Variants in PPP3R1 observed in about 807,000 individuals in gnomAD.
PPP3R1 encodes the protein protein phosphatase 3 regulatory subunit B, alpha.
A neutral mutation model predicts 22.6 loss-of-function variants in PPP3R1; 5 were observed. The observed-to-expected ratio is 0.22, with a 90% CI of 0.12 to 0.46. The LOEUF is 0.46. Among genes scored for constraint, PPP3R1 ranks in the 20% least tolerant of loss-of-function variants. PPP3R1 has a pLI of 0.99. For synonymous variants in PPP3R1, 56 were observed against 65.2 expected, an observed-to-expected ratio of 0.86 and a Z score of 0.68; for missense variants, 61 against 203.2, an observed-to-expected ratio of 0.30 and a Z score of 4.25.
intron 1 of PPP3R1, among the ~76,000 whole-genome samples, chr2:68,246,033 C>G (rs1262344054): frequency 1.3e-5 from 2 of 149,730 alleles, no homozygotes; most frequent in African/African-American, 2.5e-5. Flanking sequence ...TAATCTCTCC[C>G]TTTTTACCCT....
intron 1 of PPP3R1, among the ~76,000 whole-genome samples, chr2:68,243,170 G>T (rs1194195159): frequency 6.6e-6 from 1 of 152,090 alleles, no homozygotes; most frequent in Non-Finnish European, 1.5e-5. Context: ...TCTATGAATT[G>T]TTTAAATTAT....
intron 2 of PPP3R1, among the ~76,000 whole-genome samples, chr2:68,190,425 A>C (rs1313656554): frequency 6.6e-6 from 1 of 151,908 alleles, no homozygotes; most frequent in Non-Finnish European, 1.5e-5. Flanking sequence ...ATTAGCCGGG[A>C]GTGATGGCAG....
At chr2:68,234,558 C>T (rs1391031909) in intron 1 of PPP3R1, among the ~76,000 whole-genome samples, 3 of 152,154 alleles carry the variant, frequency 2.0e-5, no homozygotes, top group African/African-American at 7.2e-5. Flanking sequence ...CTTGTTACTG[C>T]CAACTCACAC....
At chr2:68,210,725 A>G (rs1419032776) in intron 2 of PPP3R1, among the ~76,000 whole-genome samples, 1 of 152,320 alleles carries the variant, frequency 6.6e-6, no homozygotes, top group African/African-American at 2.4e-5. Context: ...TTTTAGGAAA[A>G]ATTCACAAAA....
At chr2:68,251,846 C>T (rs1338246721) in intron 1 of PPP3R1, among the ~76,000 whole-genome samples, 1 of 113,970 alleles carries the variant, frequency 8.8e-6, no homozygotes, top group East Asian at 2.5e-4. Flanking sequence ...GCGGGACCGG[C>T]GGCGCGGGGG....
chr2:68,186,909 A>G (rs1674558694), intron 4 of PPP3R1, among the ~76,000 whole-genome samples: 1 of 152,200 alleles, frequency 6.6e-6, no homozygotes. Flanking sequence ...CTACACAGAT[A>G]AAACTGGATA....
rs1028236752 is a variant in PPP3R1 at position 68,179,194 on chromosome 2, T to A, written c.*1769A>T. The A allele has an allele frequency of 5.9e-5, 9 of 152,632 alleles. No homozygotes were observed. Among genetic ancestry groups the A allele is most frequent in the African/African-American group, 2.2e-4 (9 of 41,454 alleles). The allele number at this position is 152,632 out of a possible 1,614,324, so 9.5% of individuals were successfully genotyped here. ...TAGTTCCCCCTTGAAGCAGAGCACA[T>A]GGCAGTTGACACTGGAACAGTTCAA... On this transcript the variant is annotated 3_prime_UTR_variant, in exon 6 of 6. Transcript: ENST00000234310.
At chr2:68,227,037 A>G (rs910322320) in intron 1 of PPP3R1, among the ~76,000 whole-genome samples, 2 of 152,098 alleles carry the variant, frequency 1.3e-5, no homozygotes, top group African/African-American at 4.8e-5. Context: ...CTTAAACTCT[A>G]CTAGATAAAG....
intron 2 of PPP3R1, among the ~76,000 whole-genome samples, chr2:68,194,306 G>A (rs376260082): frequency 3.9e-5 from 6 of 151,950 alleles, no homozygotes; most frequent in African/African-American, 7.2e-5. Flanking sequence ...GCACTCTGAC[G>A]GTTCTCACGG....
At chr2:68,194,178 AGGTGG>A (rs1674722129) in intron 2 of PPP3R1, among the ~76,000 whole-genome samples, 1 of 152,160 alleles carries the variant, frequency 6.6e-6, no homozygotes, top group Non-Finnish European at 1.5e-5. Flanking sequence ...AATTTAAGCA[AGGTGG>A]CAAAAACTTA....
chr2:68,198,276 T>C (rs1674852678), intron 2 of PPP3R1, among the ~76,000 whole-genome samples: 1 of 146,034 alleles, frequency 6.8e-6, no homozygotes, highest in Non-Finnish European at 1.5e-5. Context: ...CATATGTGTA[T>C]GCATGTATGT....
At chr2:68,215,023 C>T (rs910039011) in intron 2 of PPP3R1, among the ~76,000 whole-genome samples, 2 of 152,016 alleles carry the variant, frequency 1.3e-5, no homozygotes, top group South Asian at 2.1e-4. Context: ...CCTAAGCAAA[C>T]GCATGAACAG....
chr2:68,203,136 G>A (rs1675022110), intron 2 of PPP3R1, among the ~76,000 whole-genome samples: 1 of 152,068 alleles, frequency 6.6e-6, no homozygotes, highest in Non-Finnish European at 1.5e-5. Context: ...TCAGTGACTA[G>A]GTGAATTAAA....
At chr2:68,249,943 TG>T (rs1558646998) in intron 1 of PPP3R1, among the ~76,000 whole-genome samples, 1 of 152,228 alleles carries the variant, frequency 6.6e-6, no homozygotes, top group Non-Finnish European at 1.5e-5. Flanking sequence ...CAGAATTGTA[TG>T]TTCAATTAAC....
At chr2:68,181,319 G>A (rs1272079777) in intron 5 of PPP3R1, among the ~76,000 whole-genome samples, 1 of 151,772 alleles carries the variant, frequency 6.6e-6, no homozygotes, top group Non-Finnish European at 1.5e-5. Context: ...CTTGAACCCG[G>A]GAGTTGGAGG....
chr2:68,210,917 T>C lies in PPP3R1; in HGVS notation c.43+6175A>G, dbSNP rs369243785. 2.0e-5 allele frequency among the ~76,000 whole-genome samples: 3 copies of C among 152,210 alleles called. No homozygotes were observed. The East Asian group carries it at 5.8e-4, about 29-fold the overall frequency. On this transcript the variant is annotated intron_variant, in intron 2 of 5. Transcript: ENST00000234310. ...AGATTTGGGATGCTCAGTCAGTATATATAATGCAAATACAGGCATACCTCA... is the reference window on the plus strand; with the variant it reads ...AGATTTGGGATGCTCAGTCAGTATACATAATGCAAATACAGGCATACCTCA...
At chr2:68,218,774 G>T (rs1669629315) in intron 1 of PPP3R1, among the ~76,000 whole-genome samples, 1 of 151,130 alleles carries the variant, frequency 6.6e-6, no homozygotes. Flanking sequence ...ATAAGTGAAG[G>T]TAAAAAAGTG....
intron 1 of PPP3R1, among the ~76,000 whole-genome samples, chr2:68,223,033 G>A (rs993876735): frequency 6.6e-6 from 1 of 152,092 alleles, no homozygotes; most frequent in Admixed American, 6.5e-5. Flanking sequence ...AGAAAGGAAG[G>A]GTACTGTCCT....
chr2:68,215,405 A>C (rs1353916541), intron 2 of PPP3R1, among the ~76,000 whole-genome samples: 2 of 152,200 alleles, frequency 1.3e-5, no homozygotes, highest in African/African-American at 4.8e-5. Flanking sequence ...TTCCCTGTCC[A>C]TAAGGAAGCC....
Sources: gnomAD v4.1 joint callset for allele counts (sites outside exome capture counted in the v4.1 genomes callset) on GRCh38, gnomAD v4.1.1 for gene constraint, MANE v1.5 for transcripts, NCBI Gene and HGNC (gene_info 2026-07-23, HGNC 2026-07-21) for gene names.